The following PIEZO2 variants were observed in gnomAD, a reference collection of about 807,000 sequenced individuals.
PIEZO2 encodes the protein piezo type mechanosensitive ion channel component 2.
A neutral mutation model predicts 337.3 loss-of-function variants in PIEZO2; 172 were observed. The observed-to-expected ratio is 0.51, with a 90% confidence interval of 0.45 to 0.58. PIEZO2 has a LOEUF of 0.58. PIEZO2 is among the 20% of genes least tolerant of loss of function. The probability of loss-of-function intolerance (pLI) is 0.00; values close to 1 mark genes in which losing one functional copy is unlikely to be tolerated. For synonymous variants in PIEZO2, 1,251 were observed against 1,228.5 expected, an observed-to-expected ratio of 1.02 and a Z score of -0.38; for missense variants, 3,028 against 3,391.3, an observed-to-expected ratio of 0.89 and a Z score of 2.66.
At chr18:11,100,875 A>G (rs36089062) in intron 1 of PIEZO2, among the ~76,000 whole-genome samples, 18,315 of 152,056 alleles carry the variant, frequency 0.12, 1,295 homozygotes, top group East Asian at 0.23. Context: ...GATTACAGGC[A>G]TGAGCCACCG....
chr18:10,750,232 A>G lies in PIEZO2; in HGVS notation c.4168-45T>C. On this transcript the variant is annotated intron_variant, in intron 28 of 55. Transcript: ENST00000674853. This position sits in a 1 kb window ranked among gnomAD's most constrained non-coding sequence, Gnocchi z 4.1. ...GATAATCCTGAAGCTCTGCAGCCAG[A>G]AAAAAAAGTGGTGTTTTATGATCCC... The G allele has an allele frequency of 1.4e-6, 2 of 1,398,516 alleles. No homozygotes were observed. The highest frequency in any genetic ancestry group is 2.0e-6 in the Non-Finnish European group (2 of 1,021,524). 86.6% of individuals were successfully genotyped at this position (1,398,516 alleles called of 1,614,324 possible).
intron 12 of PIEZO2, among the ~76,000 whole-genome samples, 159 bp downstream of exon 12, chr18:10,797,215 C>T (rs1042246078): frequency 6.6e-6 from 1 of 150,668 alleles, no homozygotes; most frequent in Non-Finnish European, 1.5e-5. Context: ...TCATATCTTA[C>T]ATACCATCAT....
At chr18:10,787,529 C>T (rs2039266230) in intron 15 of PIEZO2, among the ~76,000 whole-genome samples, 1 of 152,192 alleles carries the variant, frequency 6.6e-6, no homozygotes, top group Non-Finnish European at 1.5e-5. Flanking sequence ...AGGGTAGGTG[C>T]TGCTGTCATT....
chr18:10,855,086 TG>T lies in PIEZO2; in HGVS notation c.917+266del, dbSNP rs2041666268. Among the ~76,000 whole-genome samples the T allele has an allele frequency of 6.6e-6, 1 of 152,208 alleles. No homozygotes were observed. Among genetic ancestry groups the T allele is most frequent in the Admixed American group, 6.5e-5 (1 of 15,286 alleles). Reference sequence around the variant, plus strand: ...TGATCTTCTTCCCCAGCTGAGACTCTGTGTCTTATTCCTACACATGACAGCT... The same window carrying T: ...TGATCTTCTTCCCCAGCTGAGACTCTTGTCTTATTCCTACACATGACAGCT... On this transcript the variant is annotated intron_variant, in intron 7 of 55. Transcript: ENST00000674853. This position sits in a 1 kb window ranked among gnomAD's most constrained non-coding sequence, Gnocchi z 4.9.
chr18:11,106,110 C>A (rs183758538), intron 1 of PIEZO2, among the ~76,000 whole-genome samples: 2 of 151,880 alleles, frequency 1.3e-5, no homozygotes, highest in African/African-American at 4.8e-5. Flanking sequence ...TTTTTTGAGA[C>A]GGCATCTGGC....
At chr18:11,034,104 G>A (rs1045523333) in intron 2 of PIEZO2, among the ~76,000 whole-genome samples, 1 of 152,024 alleles carries the variant, frequency 6.6e-6, no homozygotes, top group Non-Finnish European at 1.5e-5. Flanking sequence ...GGACGCTAGT[G>A]CTCGTCGTAC....
At chr18:11,046,579 G>A (rs2037325119) in intron 2 of PIEZO2, among the ~76,000 whole-genome samples, 1 of 152,242 alleles carries the variant, frequency 6.6e-6, no homozygotes, top group South Asian at 2.1e-4. Context: ...TACCTGGCAG[G>A]TGCTCCTTTG....
intron 2 of PIEZO2, among the ~76,000 whole-genome samples, chr18:11,052,109 G>T (rs529474535): frequency 3.3e-5 from 5 of 152,084 alleles, no homozygotes; most frequent in Non-Finnish European, 7.4e-5. Context: ...CAGAATGGAG[G>T]TTCTGCTTTT....
chr18:11,039,091 G>A (rs1314350487), intron 2 of PIEZO2, among the ~76,000 whole-genome samples: 1 of 152,100 alleles, frequency 6.6e-6, no homozygotes, highest in Non-Finnish European at 1.5e-5. Context: ...TAAAACAAAA[G>A]GGAACAGAAA....
chr18:10,842,608 C>T (rs757413173), intron 7 of PIEZO2, among the ~76,000 whole-genome samples: 3 of 152,182 alleles, frequency 2.0e-5, no homozygotes, highest in Non-Finnish European at 2.9e-5. Flanking sequence ...CAGATGCTGG[C>T]GCCACACTTC....
chr18:10,967,018 G>GT lies in PIEZO2; in HGVS notation c.286+12516dup, dbSNP rs1281379698. The stretch of plus-strand genomic sequence containing the variant: ...ATATACCACATTTTCTCTGTTTTTT[G>GT]TTTTTTTTTTTTTTTTTGAGATGGA... On this transcript the variant is annotated intron_variant, in intron 3 of 55. Transcript: ENST00000674853. 6.2e-3 allele frequency among the ~76,000 whole-genome samples: 757 copies of GT among 122,836 alleles called. 10 individuals carry two copies. The highest frequency in any genetic ancestry group is 0.058 in the East Asian group (255 of 4,374). The allele number at this position is 122,836 out of a possible 152,430, so 80.6% of individuals were successfully genotyped here. A position where few individuals can be genotyped will look rare whatever the true frequency, so the allele number is the denominator to read the frequency against.
intron 4 of PIEZO2, among the ~76,000 whole-genome samples, chr18:10,882,559 T>C (rs538576219): frequency 1.3e-5 from 2 of 151,920 alleles, no homozygotes; most frequent in Non-Finnish European, 2.9e-5. Context: ...AGAAAGACAA[T>C]TCTTTCTTTT....
At chr18:10,763,718 G>C (rs2143895654) in intron 21 of PIEZO2, among the ~76,000 whole-genome samples, 1 of 152,308 alleles carries the variant, frequency 6.6e-6, no homozygotes, top group South Asian at 2.1e-4. Context: ...TGGGAATTTG[G>C]AGGTAAGATT....
At chr18:10,975,232 C>T (rs2034398144) in intron 3 of PIEZO2, among the ~76,000 whole-genome samples, 1 of 152,214 alleles carries the variant, frequency 6.6e-6, no homozygotes. Context: ...GCACAAGAAT[C>T]CAGACTGGCC....
intron 3 of PIEZO2, among the ~76,000 whole-genome samples, chr18:10,963,476 C>T (rs1037615718): frequency 6.6e-5 from 10 of 152,008 alleles, no homozygotes; most frequent in African/African-American, 2.2e-4. Flanking sequence ...GCATAACATC[C>T]GGAAAAAGTT....
At chr18:10,848,079 G>A (rs979150247) in intron 7 of PIEZO2, among the ~76,000 whole-genome samples, 2 of 152,150 alleles carry the variant, frequency 1.3e-5, no homozygotes, top group South Asian at 4.2e-4. Flanking sequence ...TGCAAGACAG[G>A]CACACTCTAG....
At chr18:11,141,313 C>G (rs2040637747) in intron 1 of PIEZO2, among the ~76,000 whole-genome samples, 1 of 152,128 alleles carries the variant, frequency 6.6e-6, no homozygotes, top group South Asian at 2.1e-4. Flanking sequence ...AGTGGATTGA[C>G]TGGTTTGACC....
intron 2 of PIEZO2, among the ~76,000 whole-genome samples, chr18:11,049,728 G>A (rs1298908019): frequency 6.6e-6 from 1 of 151,998 alleles, no homozygotes; most frequent in Non-Finnish European, 1.5e-5. Flanking sequence ...CTTTTGCTTG[G>A]CTCTCCTTCT....
rs2039457956 is a variant in PIEZO2 at position 11,102,818 on chromosome 18, GT to G, written c.65-36597del. On this transcript the variant is annotated intron_variant, in intron 1 of 55. Coordinates refer to ENST00000674853, the MANE Select transcript of PIEZO2 (RefSeq NM_001378183.1). The surrounding 1 kb of genome is among the most constrained non-coding windows in gnomAD (Gnocchi z 5.7). ...TGGACAGGACTTCAGACTTCAGATG[GT>G]TCCAGGCCGGCCTCCTCTCCCTCCC... Among the ~76,000 whole-genome samples the G allele has an allele frequency of 6.6e-6, 1 of 152,172 alleles. No individual in the cohort carries two copies. Among genetic ancestry groups the G allele is most frequent in the Admixed American group, 6.5e-5 (1 of 15,268 alleles).
Sources: allele counts gnomAD v4.1 joint callset (sites outside exome capture counted in the v4.1 genomes callset), GRCh38; gene constraint gnomAD v4.1.1; non-coding constraint Gnocchi (gnomAD v3.1); transcripts MANE v1.5; gene names NCBI Gene and HGNC (gene_info 2026-07-23, HGNC 2026-07-21).